The following STAT1 variants were observed in gnomAD, a reference collection of about 807,000 sequenced individuals.
The protein encoded by STAT1 is signal transducer and activator of transcription 1-alpha/beta.
In STAT1, 24 loss-of-function variants were observed where a neutral mutation model predicts 111.7. The observed-to-expected ratio is 0.21, with a 90% CI of 0.16 to 0.30. The LOEUF is 0.30. Among genes scored for constraint, STAT1 ranks in the 10% least tolerant of loss-of-function variants. The pLI, the probability that STAT1 is intolerant of heterozygous loss-of-function variation, is 1.00. For missense variants in STAT1, 351 were observed against 911.9 expected, an observed-to-expected ratio of 0.38 and a Z score of 7.92; for synonymous variants, 332 against 326.5, an observed-to-expected ratio of 1.02 and a Z score of -0.18.
intron 12 of STAT1, among the ~76,000 whole-genome samples, chr2:190,988,038 T>C (rs958590867): frequency 2.0e-5 from 3 of 152,188 alleles, no homozygotes; most frequent in African/African-American, 7.2e-5. Context: ...ACACAACTCT[T>C]GTGCTTCCTC....
chr2:190,984,424 T>A lies in STAT1; in HGVS notation c.1264-31A>T. ...AAGAGAAAAGGAAAGAAGAAAAGAA[T>A]ATAATTATTCACAGATCCTAAAACT... is the stretch of plus-strand genomic sequence containing the variant. On this transcript the variant is annotated intron_variant, in intron 15 of 24. Transcript: ENST00000361099. This position sits in a 1 kb window ranked among gnomAD's most constrained non-coding sequence, Gnocchi z 5.2. 6.5e-7 allele frequency: 1 copy of A among 1,545,854 alleles called. No individual in the cohort carries two copies. The highest frequency in any genetic ancestry group is 8.9e-7 in the Non-Finnish European group (1 of 1,119,720).
At chr2:190,991,161 T>C (rs1693300354) in intron 11 of STAT1, 67 bp downstream of exon 11, 2 of 1,513,534 alleles carry the variant, frequency 1.3e-6, no homozygotes, top group South Asian at 1.1e-5. Context: ...ACAGTTTTTA[T>C]AAAAGGAAAC....
Position 190,993,632 on chromosome 2 carries a change from G to A in STAT1, c.944+1429C>T. On this transcript the variant is annotated intron_variant, in intron 10 of 24. Coordinates refer to ENST00000361099, the MANE Select transcript of STAT1 (RefSeq NM_007315.4). The surrounding 1 kb of genome is among the most constrained non-coding windows in gnomAD (Gnocchi z 4.1). ...GCTACAGCTGCTGCCCTGACTCTCT[G>A]CACCACGGGTAACTGAAGGAAAGGA... The A allele has an allele frequency of 1.8e-6, 1 of 564,680 alleles. No individual in the cohort carries two copies. Among genetic ancestry groups the A allele is most frequent in the South Asian group, 1.6e-5 (1 of 63,842 alleles). 35.0% of individuals were successfully genotyped at this position (564,680 alleles called of 1,614,324 possible). A position where few individuals can be genotyped will look rare whatever the true frequency, so the allele number is the denominator to read the frequency against.
rs1263195431 is a variant in STAT1 at position 190,979,370 on chromosome 2, C to A, written c.1728-369G>T. ...TAGGCAATATATTTTCATATTTTAG[C>A]CCTTCTGATCAAGTTAAAGCTTCTG... On this transcript the variant is annotated intron_variant, in intron 20 of 24. Transcript: ENST00000361099. The surrounding 1 kb of genome is among the most constrained non-coding windows in gnomAD (Gnocchi z 5.8). Among the ~76,000 whole-genome samples the A allele has an allele frequency of 1.3e-5, 2 of 152,088 alleles. No individual in the cohort carries two copies. The highest frequency in any genetic ancestry group is 2.9e-5 in the Non-Finnish European group (2 of 68,014).
Position 190,976,762 on chromosome 2 carries a change from T to A in STAT1, c.2059+78A>T. ...ACCAATTCGAAAGCAAAACACTGCA[T>A]GGGTGGAGTTTCAGAATAATCACCC... On this transcript the variant is annotated intron_variant, in intron 22 of 24. Coordinates refer to ENST00000361099, the MANE Select transcript of STAT1 (RefSeq NM_007315.4). This position sits in a 1 kb window ranked among gnomAD's most constrained non-coding sequence, Gnocchi z 6.0. The A allele has an allele frequency of 7.8e-7, 1 of 1,282,220 alleles. No individual in the cohort carries two copies. The highest frequency in any genetic ancestry group is 1.2e-5 in the South Asian group (1 of 83,276). 79.4% of individuals were successfully genotyped at this position (1,282,220 alleles called of 1,614,324 possible). A position where few individuals can be genotyped will look rare whatever the true frequency, so the allele number is the denominator to read the frequency against.
chr2:190,982,614 G>T lies in STAT1; in HGVS notation c.1447-96C>A. On this transcript the variant is annotated intron_variant, in intron 17 of 24. Transcript: ENST00000361099. This position sits in a 1 kb window ranked among gnomAD's most constrained non-coding sequence, Gnocchi z 7.3. ...ATGTCCATCCCAAAGTTCAATTCTA[G>T]TTTATATGACACACAGGTGCTTTCA... is the stretch of plus-strand genomic sequence containing the variant. The T allele has an allele frequency of 2.2e-6, 3 of 1,370,632 alleles. No homozygotes were observed. Among genetic ancestry groups the T allele is most frequent in the Non-Finnish European group, 3.1e-6 (3 of 961,438 alleles). 84.9% of individuals were successfully genotyped at this position (1,370,632 alleles called of 1,614,324 possible).
rs1269719423 is a variant in STAT1, at chr2:190,974,622, G to A, written c.2238+208C>T. Among the ~76,000 whole-genome samples, 1 of 152,238 alleles carries A rather than the reference G, an allele frequency of 6.6e-6. No homozygotes were observed. The highest frequency in any genetic ancestry group is 1.9e-4 in the East Asian group (1 of 5,200). ...TGTCACTTGTTTTTTGGAAGGTGCT[G>A]AATGCGAGGAATAAAAATCCCACTG... On this transcript the variant is annotated intron_variant, in intron 24 of 24. Transcript: ENST00000361099. The surrounding 1 kb of genome is among the most constrained non-coding windows in gnomAD (Gnocchi z 4.8).
rs1052208378 is a variant in STAT1, at chr2:190,990,694, G to A, written c.1037+534C>T. 9.9e-5 allele frequency among the ~76,000 whole-genome samples: 15 copies of A among 152,142 alleles called. No homozygotes were observed. Among genetic ancestry groups the A allele is most frequent in the East Asian group, 1.9e-4 (1 of 5,204 alleles). ...GTCATGTTTGTGCGTGTGTGTTTCC[G>A]TATGAAATATATATTTGTGTAGACA... On this transcript the variant is annotated intron_variant, in intron 11 of 24. Transcript: ENST00000361099. This position sits in a 1 kb window ranked among gnomAD's most constrained non-coding sequence, Gnocchi z 5.1.
rs1692884592 is a variant in STAT1, at chr2:190,986,976, A to T, written c.1128-29T>A. The stretch of plus-strand genomic sequence containing the variant: ...TACAATATAGGAAAGAAATGCTGAA[A>T]AGTCTTCCAACTATTAAATAAATAA... On this transcript the variant is annotated intron_variant, in intron 13 of 24. Transcript: ENST00000361099. The surrounding 1 kb of genome is among the most constrained non-coding windows in gnomAD (Gnocchi z 5.0). 2 of 1,612,288 alleles carry T rather than the reference A, an allele frequency of 1.2e-6. No individual in the cohort carries two copies. Among genetic ancestry groups the T allele is most frequent in the Non-Finnish European group, 1.7e-6 (2 of 1,178,452 alleles).
chr2:191,013,696 C>T lies in STAT1; in HGVS notation c.-155-18G>A. On this transcript the variant is annotated intron_variant, in intron 1 of 24. Coordinates refer to ENST00000361099, the MANE Select transcript of STAT1 (RefSeq NM_007315.4). The stretch of plus-strand genomic sequence containing the variant: ...GAAACTTTCTGCGAAAAGAAGAAAA[C>T]GTGACTGATGGAAAGGGGTGGAAAC... The T allele has an allele frequency of 5.0e-6, 2 of 398,700 alleles. No homozygotes were observed. Among genetic ancestry groups the T allele is most frequent in the Non-Finnish European group, 8.8e-6 (2 of 226,150 alleles). The allele number at this position is 398,700 out of a possible 1,614,324, so 24.7% of individuals were successfully genotyped here. A position where few individuals can be genotyped will look rare whatever the true frequency, so the allele number is the denominator to read the frequency against.
At chr2:190,985,700 T>C in intron 14 of STAT1, 40 bp from the exon 15 acceptor site, 1 of 1,592,042 alleles carries the variant, frequency 6.3e-7, no homozygotes, top group Non-Finnish European at 8.6e-7. Context: ...ACCATGGTAA[T>C]GGTCAAAGTT....
Position 190,985,127 on chromosome 2 carries a change from T to C in STAT1, c.1263+492A>G, listed in dbSNP as rs117210558. On this transcript the variant is annotated intron_variant, in intron 15 of 24. Coordinates refer to ENST00000361099, the MANE Select transcript of STAT1 (RefSeq NM_007315.4). Reference sequence around the variant, plus strand: ...TATTTCATCCTTTGTCCATAGTTCATTTCTGAATGCATCACAAACCCAACT... The same window carrying C: ...TATTTCATCCTTTGTCCATAGTTCACTTCTGAATGCATCACAAACCCAACT... 1.1e-4 allele frequency among the ~76,000 whole-genome samples: 16 copies of C among 152,364 alleles called. No homozygotes were observed. In the East Asian group the frequency reaches 2.9e-3, roughly 28 times the overall value.
intron 5 of STAT1, among the ~76,000 whole-genome samples, chr2:191,001,820 C>T (rs1045630656): frequency 6.6e-6 from 1 of 152,182 alleles, no homozygotes; most frequent in African/African-American, 2.4e-5. Flanking sequence ...ATGTACCCTG[C>T]ACATACTAGG....
In STAT1 at chr2:190,991,222, T is replaced by C. The variant is rs1693309645; in HGVS notation, c.1037+6A>G. The C allele has an allele frequency of 6.2e-7, 1 of 1,613,988 alleles. No homozygotes were observed. Among genetic ancestry groups the C allele is most frequent in the Non-Finnish European group, 8.5e-7 (1 of 1,179,866 alleles). On this transcript the variant is annotated splice_donor_region_variant and intron_variant, in intron 11 of 24. Coordinates refer to ENST00000361099, the MANE Select transcript of STAT1 (RefSeq NM_007315.4). ...GATGTATGGGATGCCATCTTTCCCT[T>C]GTTACCTCAACTTCACAGTGAACTG...
At chr2:191,010,920 C>T (rs374321028) in intron 2 of STAT1, among the ~76,000 whole-genome samples, 51 of 152,286 alleles carry the variant, frequency 3.3e-4, no homozygotes, top group African/African-American at 1.1e-3. Context: ...ATTAGGAAAA[C>T]GGAGAGTCTC....
rs45527832 is a variant in STAT1 at position 190,987,081 on chromosome 2, T to A, written c.1098-13A>T. ...CTCATTCACATCTCTGCAAAAAAAATATATATAATCACATATGCGTATTTA... is the reference window on the plus strand; with the variant it reads ...CTCATTCACATCTCTGCAAAAAAAAAATATATAATCACATATGCGTATTTA... On this transcript the variant is annotated splice_polypyrimidine_tract_variant and intron_variant, in intron 12 of 24. Transcript: ENST00000361099. This position sits in a 1 kb window ranked among gnomAD's most constrained non-coding sequence, Gnocchi z 4.0. 30 of 1,586,878 alleles carry A rather than the reference T, an allele frequency of 1.9e-5. 1 individual carries two copies. The East Asian group carries it at 2.0e-4, about 11-fold the overall frequency.
In STAT1 at chr2:191,007,219, A is replaced by C. The variant is rs1465010952; in HGVS notation, c.372+344T>G. ...AAGAACCCTCTATCTGCCTGCTTCC[A>C]TTCCTGTGCCAGCAACTCAGAGGCC... is the stretch of plus-strand genomic sequence containing the variant. On this transcript the variant is annotated intron_variant, in intron 5 of 24. Transcript: ENST00000361099. The surrounding 1 kb of genome is among the most constrained non-coding windows in gnomAD (Gnocchi z 4.2). Among the ~76,000 whole-genome samples the C allele has an allele frequency of 1.3e-5, 2 of 152,182 alleles. No homozygotes were observed. Among genetic ancestry groups the C allele is most frequent in the African/African-American group, 4.8e-5 (2 of 41,458 alleles).
In STAT1 at chr2:191,004,652, G is replaced by A. The variant is rs143826794; in HGVS notation, c.372+2911C>T. Among the ~76,000 whole-genome samples, 17 of 152,290 alleles carry A rather than the reference G, an allele frequency of 1.1e-4. No individual in the cohort carries two copies. Among genetic ancestry groups the A allele is most frequent in the African/African-American group, 4.1e-4 (17 of 41,552 alleles). On this transcript the variant is annotated intron_variant, in intron 5 of 24. Coordinates refer to ENST00000361099, the MANE Select transcript of STAT1 (RefSeq NM_007315.4). This position sits in a 1 kb window ranked among gnomAD's most constrained non-coding sequence, Gnocchi z 5.0. The stretch of plus-strand genomic sequence containing the variant: ...TGAAGTACCTGACCTCTAAACCTTA[G>A]TTTTCTCATCTTTAAAATGGGGATA...
Position 190,977,526 on chromosome 2 carries a change from C to A in STAT1, c.1874-501G>T, listed in dbSNP as rs1227230754. Among the ~76,000 whole-genome samples, 1 of 152,166 alleles carries A rather than the reference C, an allele frequency of 6.6e-6. No homozygotes were observed. Among genetic ancestry groups the A allele is most frequent in the Non-Finnish European group, 1.5e-5 (1 of 68,032 alleles). On this transcript the variant is annotated intron_variant, in intron 21 of 24. Transcript: ENST00000361099. This position sits in a 1 kb window ranked among gnomAD's most constrained non-coding sequence, Gnocchi z 4.7. ...TCCTATTTGCTACATTTCCCTGTAA[C>A]CCTTAACGTAATAAACCATGGTTTA...
Sources: gnomAD v4.1 joint callset for allele counts (sites outside exome capture counted in the v4.1 genomes callset) on GRCh38, gnomAD v4.1.1 for gene constraint, Gnocchi (gnomAD v3.1) non-coding constraint, MANE v1.5 for transcripts, NCBI Gene and HGNC (gene_info 2026-07-23, HGNC 2026-07-21) for gene names.